The following PADI4 variants were observed in gnomAD, a reference collection of about 807,000 sequenced individuals.
The protein encoded by PADI4 is protein-arginine deiminase type-4.
PADI4 carries 62 observed loss-of-function variants against 75.0 expected under a neutral mutation model. The observed-to-expected ratio is 0.83, with a 90% CI of 0.67 to 1.02. The LOEUF (loss-of-function observed/expected upper bound fraction) is 1.02. PADI4 is among the 50% of genes least tolerant of loss of function. PADI4 has a pLI of 0.00. For missense variants in PADI4, 845 were observed against 850.5 expected (o/e 0.99, Z 0.08); for synonymous variants, 361 against 348.1 (o/e 1.04, Z -0.41).
chr1:17,348,253 AC>A (rs2074555404), intron 10 of PADI4: 1 of 439,354 alleles, frequency 2.3e-6, no homozygotes, highest in Non-Finnish European at 4.1e-6. Context: ...ATTTCCCAAA[AC>A]CCTTGTCACC....
chr1:17,318,221 A>G (rs1320970439), intron 1 of PADI4, among the ~76,000 whole-genome samples: 5 of 152,228 alleles, frequency 3.3e-5, no homozygotes, highest in African/African-American at 1.2e-4. Flanking sequence ...AATGCAGAGA[A>G]GGAGGTAGTC....
At chr1:17,329,609 TG>T (rs1463121966) in intron 1 of PADI4, among the ~76,000 whole-genome samples, 5 of 152,224 alleles carry the variant, frequency 3.3e-5, no homozygotes, top group Admixed American at 6.5e-5. Flanking sequence ...GAAGGGGGGT[TG>T]GTCTTGCTGT....
In PADI4 at chr1:17,342,290, C is replaced by A; in HGVS notation, c.832-9C>A. 6.3e-7 allele frequency: 1 copy of A among 1,586,744 alleles called. No individual in the cohort carries two copies. Among genetic ancestry groups the A allele is most frequent in the Non-Finnish European group, 8.7e-7 (1 of 1,155,414 alleles). The stretch of plus-strand genomic sequence containing the variant: ...CAGCCCCTCCTTCCCCTTACCCCCT[C>A]CCCTGCAGGAGCTCCCCGAGGCTGT... On this transcript the variant is annotated splice_polypyrimidine_tract_variant and intron_variant, in intron 7 of 15. Transcript: ENST00000375448.
rs778245394 is a variant in PADI4, at chr1:17,308,218, C to T, written c.-5C>T. On this transcript the variant is annotated 5_prime_UTR_variant, in exon 1 of 16. Transcript: ENST00000375448. Reference sequence around the variant, plus strand: ...CTACAGCCAGAGGGACGAGCTAGCCCGACGATGGCCCAGGGGACATTGATC... The same window carrying T: ...CTACAGCCAGAGGGACGAGCTAGCCTGACGATGGCCCAGGGGACATTGATC... 2.7e-5 allele frequency: 44 copies of T among 1,613,418 alleles called. No homozygotes were observed. The highest frequency in any genetic ancestry group is 1.8e-4 in the East Asian group (8 of 44,870).
Position 17,346,578 on chromosome 1 carries a change from C to T in PADI4, c.1047+439C>T, listed in dbSNP as rs576894000. Among the ~76,000 whole-genome samples, 2 of 152,276 alleles carry T rather than the reference C, an allele frequency of 1.3e-5. No individual in the cohort carries two copies. The highest frequency in any genetic ancestry group is 3.4e-3 in the Middle Eastern group (1 of 294). On this transcript the variant is annotated intron_variant, in intron 9 of 15. Coordinates refer to ENST00000375448, the MANE Select transcript of PADI4 (RefSeq NM_012387.3). The surrounding 1 kb of genome is among the most constrained non-coding windows in gnomAD (Gnocchi z 4.3). ...CAGGCCCTCTCAGCCTGCCTGGTTC[C>T]CTTCCCTGGGGCCAGCCTGCCACTG...
rs150632776 is a variant in PADI4 at position 17,334,233 on chromosome 1, T to C, written c.340+224T>C. On this transcript the variant is annotated intron_variant, in intron 3 of 15. Transcript: ENST00000375448. Reference sequence around the variant, plus strand: ...GTGGCAGTGGTGGTGCGGGGAATTTTAATTATATCTTAACATTTTGCTTCT... The same window carrying C: ...GTGGCAGTGGTGGTGCGGGGAATTTCAATTATATCTTAACATTTTGCTTCT... 59 of 549,978 alleles carry C rather than the reference T, an allele frequency of 1.1e-4. No individual in the cohort carries two copies. The East Asian group carries it at 1.9e-3, about 18-fold the overall frequency. 34.1% of individuals were successfully genotyped at this position (549,978 alleles called of 1,614,324 possible). A position where few individuals can be genotyped will look rare whatever the true frequency, so the allele number is the denominator to read the frequency against.
intron 1 of PADI4, among the ~76,000 whole-genome samples, 173 bp from the exon 2 acceptor site, chr1:17,330,796 A>G (rs2074196619): frequency 1.3e-5 from 2 of 152,068 alleles, no homozygotes; most frequent in Non-Finnish European, 2.9e-5. Flanking sequence ...TCAAATGCCA[A>G]CCTCCTCTGG....
At chr1:17,329,130 C>T (rs761133123) in intron 1 of PADI4, among the ~76,000 whole-genome samples, 15 of 149,232 alleles carry the variant, frequency 1.0e-4, no homozygotes, top group East Asian at 1.9e-4. Context: ...TACGAGTGCA[C>T]GATTCTAGGT....
chr1:17,345,457 C>A (rs1031535037), intron 8 of PADI4, among the ~76,000 whole-genome samples: 4 of 151,988 alleles, frequency 2.6e-5, no homozygotes, highest in Non-Finnish European at 5.9e-5. Context: ...TTTGGAGGGG[C>A]CAGGGGCAGG....
intron 1 of PADI4, among the ~76,000 whole-genome samples, chr1:17,326,669 G>A (rs772607762): frequency 1.3e-5 from 2 of 152,204 alleles, no homozygotes; most frequent in Non-Finnish European, 2.9e-5. Flanking sequence ...CCCATGACCC[G>A]TGTGTGCTTT....
At position 17,356,180 on chromosome 1, in the gene PADI4, C is replaced by T. The variant is rs771389009; in HGVS notation, c.1455+53C>T. Reference sequence around the variant, plus strand: ...GCCATGCCTCCTTCCTGGGTAGACCCTCTGCCTGGGGTGGGAGCAACTTTA... The same window carrying T: ...GCCATGCCTCCTTCCTGGGTAGACCTTCTGCCTGGGGTGGGAGCAACTTTA... On this transcript the variant is annotated intron_variant, in intron 12 of 15. Coordinates refer to ENST00000375448, the MANE Select transcript of PADI4 (RefSeq NM_012387.3). The surrounding 1 kb of genome is among the most constrained non-coding windows in gnomAD (Gnocchi z 4.1). 3 of 1,582,630 alleles carry T rather than the reference C, an allele frequency of 1.9e-6. No homozygotes were observed. The highest frequency in any genetic ancestry group is 1.3e-5 in the African/African-American group (1 of 74,226).
Position 17,358,927 on chromosome 1 carries a change from A to T in PADI4, c.1629+19A>T. The stretch of plus-strand genomic sequence containing the variant: ...TGTGGAGGTAGGAGCCTGGGTGCCT[A>T]CACCCCAGCAGACCTGACGCCCTGT... On this transcript the variant is annotated intron_variant, in intron 14 of 15. Coordinates refer to ENST00000375448, the MANE Select transcript of PADI4 (RefSeq NM_012387.3). 1 of 1,563,710 alleles carries T rather than the reference A, an allele frequency of 6.4e-7. No homozygotes were observed. The highest frequency in any genetic ancestry group is 8.8e-7 in the Non-Finnish European group (1 of 1,139,598).
chr1:17,342,308 G>A lies in PADI4; in HGVS notation c.841G>A (p.Glu281Lys), dbSNP rs140659095. Residue 281 changes from glutamate to lysine, a missense_variant, in exon 8 of 16, where the codon GAG (glutamate) becomes AAG (lysine). By Grantham distance (56) the Glu-to-Lys change is moderately conservative. Coordinates refer to ENST00000375448, the MANE Select transcript of PADI4 (RefSeq NM_012387.3). ...ACCCCCTCCCCTGCAGGAGCTCCCC[G>A]AGGCTGTGGTGTTCCAAGACAGCGT... ...LLDTSNLELP[E>K]AVVFQDSVVF... The A allele has an allele frequency of 4.9e-5, 79 of 1,611,712 alleles. No homozygotes were observed. The highest frequency in any genetic ancestry group is 6.7e-5 in the Admixed American group (4 of 59,970).
chr1:17,313,941 A>G (rs1297515668), intron 1 of PADI4, among the ~76,000 whole-genome samples: 1 of 152,238 alleles, frequency 6.6e-6, no homozygotes, highest in Non-Finnish European at 1.5e-5. Flanking sequence ...AGGAGCTGAG[A>G]ACATCTGGAA....
intron 10 of PADI4, among the ~76,000 whole-genome samples, chr1:17,353,709 G>A (rs2074709246): frequency 6.6e-6 from 1 of 152,178 alleles, no homozygotes; most frequent in Non-Finnish European, 1.5e-5. Context: ...TCTTGTGATG[G>A]GGTGATTATC....
rs766838518 is a variant in PADI4 at position 17,331,116 on chromosome 1, G to A, written c.240G>A (p.Met80Ile). The A allele has an allele frequency of 1.2e-6, 2 of 1,612,208 alleles. No individual in the cohort carries two copies. The highest frequency in any genetic ancestry group is 1.7e-6 in the Non-Finnish European group (2 of 1,179,214). Residue 80 changes from methionine to isoleucine, a missense_variant, in exon 2 of 16, where the codon ATG becomes ATA. Transcript: ENST00000375448. Reference protein sequence around the residue: ...LDPGVEVTLTMKVASGSTGDQ... With the variant: ...LDPGVEVTLTIKVASGSTGDQ... ...CTGGGGTAGAGGTGACCCTGACGAT[G>A]AAAGTGGCCAGTGGTAGCACAGGCG...
chr1:17,348,298 C>T lies in PADI4; in HGVS notation c.1155+250C>T, dbSNP rs41266005. The T allele has an allele frequency of 5.0e-4, 182 of 361,914 alleles. 1 individual carries two copies. Among genetic ancestry groups the T allele is most frequent in the Admixed American group, 9.0e-4 (22 of 24,410 alleles). The allele number at this position is 361,914 out of a possible 1,614,324, so 22.4% of individuals were successfully genotyped here. A position where few individuals can be genotyped will look rare whatever the true frequency, so the allele number is the denominator to read the frequency against. Reference sequence around the variant, plus strand: ...CAGCTTGATCTCCAGGTAACCCTGCCGAGGAGGTGGCTCAGGCTTGGACCT... The same window carrying T: ...CAGCTTGATCTCCAGGTAACCCTGCTGAGGAGGTGGCTCAGGCTTGGACCT... On this transcript the variant is annotated intron_variant, in intron 10 of 15. Coordinates refer to ENST00000375448, the MANE Select transcript of PADI4 (RefSeq NM_012387.3).
chr1:17,351,887 T>G (rs1471789679), intron 10 of PADI4, among the ~76,000 whole-genome samples: 2 of 134,006 alleles, frequency 1.5e-5, no homozygotes, highest in East Asian at 2.1e-4. Context: ...TAGGAGGTGG[T>G]AGAAAAGGCA....
In PADI4 at chr1:17,321,910, T is replaced by C. The variant is rs2074037015; in HGVS notation, c.93-9059T>C. ...TAATGGAAGAAGATGAAGAAATTTT[T>C]TTAATGTGTGGGTGGATAAGAGACA... On this transcript the variant is annotated intron_variant, in intron 1 of 15. Transcript: ENST00000375448. Among the ~76,000 whole-genome samples the C allele has an allele frequency of 2.0e-5, 3 of 152,228 alleles. No homozygotes were observed. The South Asian group carries it at 6.2e-4, about 31-fold the overall frequency.
Sources: gnomAD v4.1 joint callset for allele counts (sites outside exome capture counted in the v4.1 genomes callset) on GRCh38, gnomAD v4.1.1 for gene constraint, Gnocchi (gnomAD v3.1) non-coding constraint, MANE v1.5 for transcripts, NCBI Gene and HGNC (gene_info 2026-07-23, HGNC 2026-07-21) for gene names.